SIPA1L3: variants seen among roughly 807,000 people sequenced by gnomAD.
SIPA1L3 encodes signal-induced proliferation-associated 1-like protein 3.
Under a neutral mutation model 150.1 loss-of-function variants are expected in SIPA1L3, and 59 were observed. The observed-to-expected ratio is 0.39, with a 90% confidence interval of 0.32 to 0.49. The LOEUF (loss-of-function observed/expected upper bound fraction) is 0.49, where lower values mean the gene tolerates loss of function less well. Among genes scored for constraint, SIPA1L3 ranks in the 20% least tolerant of loss-of-function variants. The pLI is 0.86. For missense variants in SIPA1L3, 2,211 were observed against 2,489.5 expected (o/e 0.89, Z 2.38); for synonymous variants, 1,070 against 1,077.6 (o/e 0.99, Z 0.14).
chr19:38,103,246 G>A (rs942513508), intron 6 of SIPA1L3, among the ~76,000 whole-genome samples: 2 of 152,160 alleles, frequency 1.3e-5, no homozygotes, highest in African/African-American at 4.8e-5. Context: ...AGTGTGGGTA[G>A]TGGTCTTTTT....
At chr19:38,202,811 G>T (rs989105904) in intron 20 of SIPA1L3, among the ~76,000 whole-genome samples, 2 of 152,152 alleles carry the variant, frequency 1.3e-5, no homozygotes, top group Non-Finnish European at 2.9e-5. Flanking sequence ...GGCAACTGAG[G>T]CCAGGCCTGG....
chr19:37,966,232 C>T (rs186329907), intron 1 of SIPA1L3, among the ~76,000 whole-genome samples: 101 of 152,348 alleles, frequency 6.6e-4, no homozygotes, highest in Non-Finnish European at 1.1e-3. Flanking sequence ...GAGGAGGAAT[C>T]GGCACTGCAG....
intron 2 of SIPA1L3, among the ~76,000 whole-genome samples, chr19:38,038,351 G>A (rs1455151780): frequency 1.3e-5 from 2 of 152,090 alleles, no homozygotes; most frequent in Admixed American, 6.5e-5. Context: ...CCAGCACTTT[G>A]GGAGGCCCAG....
intron 15 of SIPA1L3, among the ~76,000 whole-genome samples, chr19:38,179,903 C>T (rs757140129): frequency 5.9e-5 from 9 of 151,992 alleles, no homozygotes; most frequent in Middle Eastern, 3.4e-3. Context: ...AGTGCAGTGG[C>T]GCAATCTCAG....
intron 1 of SIPA1L3, among the ~76,000 whole-genome samples, chr19:38,001,691 G>C (rs1048137787): frequency 1.3e-5 from 2 of 152,226 alleles, no homozygotes; most frequent in Non-Finnish European, 2.9e-5. Context: ...GCCTCCCCAA[G>C]TGCTGGGATC....
At chr19:37,940,790 C>A (rs915835485) in intron 1 of SIPA1L3, among the ~76,000 whole-genome samples, 2 of 133,508 alleles carry the variant, frequency 1.5e-5, no homozygotes, top group East Asian at 6.3e-4. Flanking sequence ...CCATGTTGGC[C>A]AGGCTGGTCT....
intron 2 of SIPA1L3, among the ~76,000 whole-genome samples, chr19:38,058,890 G>A (rs1159912818): frequency 6.6e-6 from 1 of 152,048 alleles, no homozygotes; most frequent in African/African-American, 2.4e-5. Flanking sequence ...CAGGCGTGGT[G>A]GTGCATGCCT....
At chr19:38,101,462 G>A (rs562918086) in intron 6 of SIPA1L3, among the ~76,000 whole-genome samples, 49 of 152,260 alleles carry the variant, frequency 3.2e-4, no homozygotes, top group African/African-American at 1.2e-3. Context: ...AGGCTGGAGT[G>A]CAGTGGCATG....
intron 2 of SIPA1L3, among the ~76,000 whole-genome samples, chr19:38,031,354 A>C (rs1362429736): frequency 6.6e-6 from 1 of 152,106 alleles, no homozygotes; most frequent in Non-Finnish European, 1.5e-5. Context: ...CCAAGAGTCT[A>C]TTCTTGATCC....
chr19:37,936,757 T>G lies in SIPA1L3; in HGVS notation c.-379+29399T>G, dbSNP rs1330308012. On this transcript the variant is annotated intron_variant, in intron 1 of 21. Transcript: ENST00000222345. ...CTCTCCTGGTCTGGCTCTGGAGGCA[T>G]GTACTGAACCATTTGGCTATACTGC... 2.6e-5 allele frequency among the ~76,000 whole-genome samples: 4 copies of G among 152,202 alleles called. No homozygotes were observed. In the East Asian group the frequency reaches 5.8e-4, roughly 22 times the overall value.
intron 5 of SIPA1L3, among the ~76,000 whole-genome samples, chr19:38,100,373 T>C (rs1262020747): frequency 6.6e-6 from 1 of 152,176 alleles, no homozygotes; most frequent in Non-Finnish European, 1.5e-5. Context: ...GGGGGTGAGA[T>C]AGCTGCTAGG....
rs374459277 is a variant in SIPA1L3, at chr19:37,990,809, A to G, written c.-378-38280A>G. On this transcript the variant is annotated intron_variant, in intron 1 of 21. Coordinates refer to ENST00000222345, the MANE Select transcript of SIPA1L3 (RefSeq NM_015073.3). The stretch of plus-strand genomic sequence containing the variant: ...AACAACAGCAGACACGCTCAGTGCC[A>G]GGCCGTATTCCGAGTGCTTTTTAAT... 1.1e-3 allele frequency among the ~76,000 whole-genome samples: 166 copies of G among 152,370 alleles called. 3 individuals are homozygous for G. The highest frequency in any genetic ancestry group is 3.8e-3 in the African/African-American group (156 of 41,586).
chr19:38,124,910 G>A (rs369330863), intron 9 of SIPA1L3, among the ~76,000 whole-genome samples: 1 of 152,146 alleles, frequency 6.6e-6, no homozygotes, highest in African/African-American at 2.4e-5. Flanking sequence ...GCTGAGGCAG[G>A]AGAATCAGGC....
At chr19:38,080,664 T>C (rs1969956265) in intron 2 of SIPA1L3, among the ~76,000 whole-genome samples, 1 of 152,044 alleles carries the variant, frequency 6.6e-6, no homozygotes, top group African/African-American at 2.4e-5. Context: ...AAAATATTTA[T>C]GGGTGAAATG....
chr19:38,135,138 T>G lies in SIPA1L3; in HGVS notation c.3143+4366T>G, dbSNP rs1350329461. 5.3e-5 allele frequency among the ~76,000 whole-genome samples: 8 copies of G among 152,218 alleles called. No individual in the cohort carries two copies. The East Asian group carries it at 1.5e-3, about 29-fold the overall frequency. ...TGTCTCCATTATACTCTGCAGCCTC[T>G]GAAAGCCATCACGAGCTATTAATAC... On this transcript the variant is annotated intron_variant, in intron 10 of 21. Transcript: ENST00000222345.
rs908033259 is a variant in SIPA1L3 at position 38,000,908 on chromosome 19, A to G, written c.-378-28181A>G. On this transcript the variant is annotated intron_variant, in intron 1 of 21. Coordinates refer to ENST00000222345, the MANE Select transcript of SIPA1L3 (RefSeq NM_015073.3). ...ATATATATATGTTATATATATATAT[A>G]TAACATATATATAACATATATATAA... 4.3e-4 allele frequency among the ~76,000 whole-genome samples: 49 copies of G among 114,080 alleles called. No individual in the cohort carries two copies. In the Middle Eastern group the frequency reaches 0.012, roughly 27 times the overall value. 74.8% of individuals were successfully genotyped at this position (114,080 alleles called of 152,430 possible).
At chr19:38,092,852 ATTTTTTTT>A (rs56232582) in intron 4 of SIPA1L3, among the ~76,000 whole-genome samples, 1 of 115,952 alleles carries the variant, frequency 8.6e-6, no homozygotes, top group Non-Finnish European at 1.7e-5. Flanking sequence ...AGGTGCTTAG[ATTTTTTTT>A]TTTTTTTTTT....
intron 1 of SIPA1L3, among the ~76,000 whole-genome samples, chr19:37,942,141 C>T (rs2046664807): frequency 1.3e-5 from 2 of 152,200 alleles, no homozygotes; most frequent in Non-Finnish European, 2.9e-5. Context: ...CTGAACATCA[C>T]ATATGCTTCC....
rs1037852168 is a variant in SIPA1L3, at chr19:38,046,657, G to A, written c.-311+17501G>A. On this transcript the variant is annotated intron_variant, in intron 2 of 21. Coordinates refer to ENST00000222345, the MANE Select transcript of SIPA1L3 (RefSeq NM_015073.3). This position sits in a 1 kb window ranked among gnomAD's most constrained non-coding sequence, Gnocchi z 5.6. ...CCCACATGAATCCGCCATCTCGCCC[G>A]CAGCCTGGGGATGCTGCTGGATTTT... 1.3e-5 allele frequency among the ~76,000 whole-genome samples: 2 copies of A among 152,198 alleles called. No individual in the cohort carries two copies. The highest frequency in any genetic ancestry group is 2.9e-5 in the Non-Finnish European group (2 of 68,028).
Sources: gnomAD v4.1 joint callset for allele counts (sites outside exome capture counted in the v4.1 genomes callset) on GRCh38, gnomAD v4.1.1 for gene constraint, Gnocchi (gnomAD v3.1) non-coding constraint, MANE v1.5 for transcripts, NCBI Gene and HGNC (gene_info 2026-07-23, HGNC 2026-07-21) for gene names.